Variants in GALNT13 observed in about 807,000 individuals in gnomAD.
The protein encoded by GALNT13 is polypeptide N-acetylgalactosaminyltransferase 13, also known as UDP-GalNAc:polypeptide N-acetylgalactosaminyltransferase 13.
A neutral mutation model predicts 64.2 loss-of-function variants in GALNT13; 28 were observed. That is an observed-to-expected ratio of 0.44 (90% CI 0.32 to 0.60). GALNT13 has a LOEUF of 0.60. GALNT13 is among the 20% of genes least tolerant of loss of function. The pLI, the probability that GALNT13 is intolerant of heterozygous loss-of-function variation, is 0.05. For missense variants in GALNT13, 577 were observed against 669.8 expected (o/e 0.86, Z 1.53); for synonymous variants, 214 against 224.6 (o/e 0.95, Z 0.42).
the GALNT13 span, among the ~76,000 whole-genome samples, chr2:153,081,444 G>A: frequency 1.3e-5 from 2 of 151,854 alleles, no homozygotes; most frequent in East Asian, 3.9e-4. Context: ...TTGTGCTATC[G>A]AATTTTAGGC....
At chr2:153,709,149 A>C in the GALNT13 span, among the ~76,000 whole-genome samples, 3 of 152,104 alleles carry the variant, frequency 2.0e-5, no homozygotes, top group Non-Finnish European at 2.9e-5. Context: ...CATAAAACTA[A>C]AAAGATTTGT....
At chr2:154,310,469 T>A (rs576036492) in intron 9 of GALNT13, among the ~76,000 whole-genome samples, 1 of 152,320 alleles carries the variant, frequency 6.6e-6, no homozygotes, top group Non-Finnish European at 1.5e-5. Flanking sequence ...TTGTTGTAAC[T>A]CCTTTACTTC....
At chr2:153,662,495 A>G in the GALNT13 span, among the ~76,000 whole-genome samples, 1 of 152,192 alleles carries the variant, frequency 6.6e-6, no homozygotes, top group African/African-American at 2.4e-5. Context: ...CTTCTCTGGC[A>G]ATCAGGAAGT....
intron 2 of GALNT13, among the ~76,000 whole-genome samples, chr2:153,910,551 A>G (rs1282237780): frequency 1.3e-5 from 2 of 151,844 alleles, no homozygotes; most frequent in Admixed American, 6.6e-5. Context: ...AGATCTTTCT[A>G]AGTTTTTGAT....
the GALNT13 span, among the ~76,000 whole-genome samples, chr2:153,764,251 C>T: frequency 6.6e-6 from 1 of 152,024 alleles, no homozygotes; most frequent in Non-Finnish European, 1.5e-5. Flanking sequence ...TCAAAAAAAG[C>T]AGAGGCTGGG....
chr2:154,164,260 G>A (rs1050398885), intron 4 of GALNT13, among the ~76,000 whole-genome samples: 4 of 152,014 alleles, frequency 2.6e-5, no homozygotes, highest in South Asian at 2.1e-4. Context: ...CTGGTAATAG[G>A]GGTAAATTAC....
chr2:153,242,191 C>G, the GALNT13 span, among the ~76,000 whole-genome samples: 1 of 152,118 alleles, frequency 6.6e-6, no homozygotes, highest in African/African-American at 2.4e-5. Flanking sequence ...AAGCCTTTAT[C>G]TTTTGGTAAT....
At chr2:154,258,975 A>G (rs1269146044) in intron 7 of GALNT13, 46 bp from the exon 8 acceptor site, 1 of 1,007,338 alleles carries the variant, frequency 9.9e-7, no homozygotes, top group Non-Finnish European at 1.6e-6. Context: ...AACTCCATAC[A>G]TTGTTTTCAA....
At chr2:153,325,235 T>C in the GALNT13 span, among the ~76,000 whole-genome samples, 1 of 151,606 alleles carries the variant, frequency 6.6e-6, no homozygotes, top group East Asian at 1.9e-4. Context: ...GGGAGGTGTA[T>C]GTGTCCAGGA....
chr2:154,010,798 T>A (rs1435068910), intron 3 of GALNT13, among the ~76,000 whole-genome samples: 1 of 152,116 alleles, frequency 6.6e-6, no homozygotes, highest in African/African-American at 2.4e-5. Context: ...TTTCAGTTTC[T>A]TCCTGGTTCA....
intron 9 of GALNT13, among the ~76,000 whole-genome samples, chr2:154,307,786 A>C (rs539766044): frequency 6.6e-6 from 1 of 152,336 alleles, no homozygotes; most frequent in Admixed American, 6.5e-5. Context: ...TGATTGTCCT[A>C]GCAAATCCTT....
chr2:153,805,657 G>A, the GALNT13 span, among the ~76,000 whole-genome samples: 1 of 151,962 alleles, frequency 6.6e-6, no homozygotes, highest in African/African-American at 2.4e-5. Context: ...AAGCGAGGTG[G>A]GGATTATAGG....
the GALNT13 span, among the ~76,000 whole-genome samples, chr2:153,280,586 A>AT: frequency 2.0e-5 from 3 of 151,924 alleles, no homozygotes; most frequent in Non-Finnish European, 4.4e-5. Flanking sequence ...ATTTCAAATA[A>AT]TTTTTTTTAT....
intron 9 of GALNT13, among the ~76,000 whole-genome samples, chr2:154,355,434 C>T (rs776827260): frequency 2.6e-5 from 4 of 152,058 alleles, no homozygotes; most frequent in Non-Finnish European, 4.4e-5. Flanking sequence ...TTTTAGTTCA[C>T]GAAGCGCATC....
intron 4 of GALNT13, among the ~76,000 whole-genome samples, chr2:154,240,563 C>G (rs1214936062): frequency 6.6e-6 from 1 of 152,174 alleles, no homozygotes; most frequent in Non-Finnish European, 1.5e-5. Context: ...TGGCTTGCTT[C>G]TTCAGTGCCC....
At chr2:154,260,673 C>A (rs1347600965) in intron 8 of GALNT13, among the ~76,000 whole-genome samples, 1 of 151,662 alleles carries the variant, frequency 6.6e-6, no homozygotes, top group Non-Finnish European at 1.5e-5. Context: ...ATTTGAGAAC[C>A]CAAAATTATT....
At chr2:153,192,572 C>T in the GALNT13 span, among the ~76,000 whole-genome samples, 3 of 152,062 alleles carry the variant, frequency 2.0e-5, no homozygotes, top group Admixed American at 2.0e-4. Context: ...TCTAGATGAT[C>T]TGTCTGTTGC....
At chr2:154,334,708 A>G (rs915692948) in intron 9 of GALNT13, among the ~76,000 whole-genome samples, 11 of 151,960 alleles carry the variant, frequency 7.2e-5, no homozygotes, top group Non-Finnish European at 1.5e-4. Flanking sequence ...TTCTCACTAC[A>G]TAGGTTTGGG....
chr2:153,601,580 G>C, the GALNT13 span, among the ~76,000 whole-genome samples: 1 of 151,162 alleles, frequency 6.6e-6, no homozygotes, highest in Non-Finnish European at 1.5e-5. Context: ...CAGAACAAGG[G>C]CAAACTCTTT....
Sources: gnomAD v4.1 joint callset for allele counts (sites outside exome capture counted in the v4.1 genomes callset) on GRCh38, gnomAD v4.1.1 for gene constraint, MANE v1.5 for transcripts, NCBI Gene and HGNC (gene_info 2026-07-23, HGNC 2026-07-21) for gene names.